CLSTN2: variants seen among roughly 807,000 people sequenced by gnomAD.
CLSTN2 encodes the protein calsyntenin 2.
CLSTN2 carries 48 observed loss-of-function variants against 101.2 expected under a neutral mutation model. The observed-to-expected ratio is 0.47, with a 90% CI of 0.38 to 0.60. The LOEUF (loss-of-function observed/expected upper bound fraction) is 0.60. Ranked by LOEUF, CLSTN2 falls within the 20% of genes least tolerant of loss-of-function variation. CLSTN2 has a pLI of 0.00. For missense variants in CLSTN2, 1,160 were observed against 1,238.2 expected, an observed-to-expected ratio of 0.94 and a Z score of 0.95; for synonymous variants, 481 against 463.6, an observed-to-expected ratio of 1.04 and a Z score of -0.48.
chr3:140,421,616 C>T (rs562087025), intron 5 of CLSTN2, among the ~76,000 whole-genome samples: 1 of 152,278 alleles, frequency 6.6e-6, no homozygotes, highest in East Asian at 1.9e-4. Flanking sequence ...GCTGGGTCTA[C>T]CTGATGCATT....
intron 1 of CLSTN2, among the ~76,000 whole-genome samples, chr3:140,107,695 A>G (rs1486513479): frequency 3.9e-5 from 6 of 152,152 alleles, no homozygotes; most frequent in Non-Finnish European, 8.8e-5. Flanking sequence ...GGCAAAGTAG[A>G]ATTTGGTTCC....
intron 2 of CLSTN2, among the ~76,000 whole-genome samples, chr3:140,281,136 G>A (rs1384882496): frequency 6.6e-6 from 1 of 152,136 alleles, no homozygotes; most frequent in Non-Finnish European, 1.5e-5. Flanking sequence ...TCCCAGCAGG[G>A]GAGATGGCAC....
intron 2 of CLSTN2, among the ~76,000 whole-genome samples, chr3:140,196,885 T>A (rs2010650193): frequency 1.3e-5 from 2 of 152,240 alleles, no homozygotes; most frequent in South Asian, 4.1e-4. Context: ...CTAGGCCTTT[T>A]CTGTCCCCAA....
chr3:140,551,765 G>A (rs1935708036), intron 10 of CLSTN2, among the ~76,000 whole-genome samples: 1 of 150,414 alleles, frequency 6.6e-6, no homozygotes, highest in Admixed American at 6.6e-5. Context: ...ACCTTGTAGT[G>A]ATGTTGTAAG....
intron 2 of CLSTN2, among the ~76,000 whole-genome samples, chr3:140,270,184 G>A (rs191059191): frequency 1.3e-5 from 2 of 152,218 alleles, no homozygotes; most frequent in East Asian, 1.9e-4. Context: ...GTCCACTAAC[G>A]GCTCCTCATT....
chr3:140,378,509 A>C (rs1250684296), intron 2 of CLSTN2, among the ~76,000 whole-genome samples: 2 of 152,244 alleles, frequency 1.3e-5, no homozygotes, highest in Non-Finnish European at 2.9e-5. Flanking sequence ...GGTGGAGCTC[A>C]AGACGCAGTT....
chr3:140,049,510 C>A (rs1322402251), intron 1 of CLSTN2, among the ~76,000 whole-genome samples: 1 of 152,182 alleles, frequency 6.6e-6, no homozygotes, highest in Non-Finnish European at 1.5e-5. Flanking sequence ...CTCTTCTCAG[C>A]CTCCCTGAGG....
intron 8 of CLSTN2, among the ~76,000 whole-genome samples, chr3:140,480,478 G>A (rs1934090911): frequency 1.3e-5 from 2 of 152,132 alleles, no homozygotes; most frequent in Admixed American, 6.5e-5. Flanking sequence ...GGATGGCTGG[G>A]TCAAATGGTA....
intron 2 of CLSTN2, among the ~76,000 whole-genome samples, chr3:140,279,455 G>A (rs1030461590): frequency 2.6e-5 from 4 of 152,218 alleles, no homozygotes; most frequent in South Asian, 2.1e-4. Context: ...GTTACATTGA[G>A]CTAGGAGATA....
intron 2 of CLSTN2, among the ~76,000 whole-genome samples, chr3:140,264,892 C>T (rs1447100529): frequency 6.6e-6 from 1 of 152,092 alleles, no homozygotes; most frequent in East Asian, 1.9e-4. Context: ...AGTGCTTTCT[C>T]TGTGCCAGAC....
At position 139,993,395 on chromosome 3, in the gene CLSTN2, A is replaced by G. The variant is rs530510552; in HGVS notation, c.109+57912A>G. Among the ~76,000 whole-genome samples the G allele has an allele frequency of 1.8e-4, 28 of 152,242 alleles. No homozygotes were observed. The East Asian group carries it at 4.8e-3, about 26-fold the overall frequency. On this transcript the variant is annotated intron_variant, in intron 1 of 16. Transcript: ENST00000458420. ...TACTGTCGACCCCTGTCCTGGGGAT[A>G]CTGGGTGGCCCTTCGTTTCCTAATA...
At chr3:140,013,130 G>A (rs954486850) in intron 1 of CLSTN2, among the ~76,000 whole-genome samples, 4 of 152,240 alleles carry the variant, frequency 2.6e-5, no homozygotes, top group Non-Finnish European at 4.4e-5. Context: ...ATCCACCAAG[G>A]AGGATGTGGT....
chr3:140,093,976 G>T (rs892406001), intron 1 of CLSTN2, among the ~76,000 whole-genome samples: 1 of 152,176 alleles, frequency 6.6e-6, no homozygotes, highest in Non-Finnish European at 1.5e-5. Context: ...AACACTGCCC[G>T]GGGGAATCTG....
intron 5 of CLSTN2, among the ~76,000 whole-genome samples, chr3:140,442,872 T>C (rs1263341548): frequency 2.0e-5 from 3 of 152,188 alleles, no homozygotes; most frequent in Admixed American, 6.5e-5. Flanking sequence ...TCACCCCCAA[T>C]TCAGATGCAC....
intron 2 of CLSTN2, among the ~76,000 whole-genome samples, chr3:140,185,529 C>G (rs1292842065): frequency 6.6e-6 from 1 of 152,052 alleles, no homozygotes. Flanking sequence ...ATTTCAAGCC[C>G]CATGACCCAG....
chr3:140,060,234 T>C (rs1363887070), intron 1 of CLSTN2, among the ~76,000 whole-genome samples: 2 of 152,198 alleles, frequency 1.3e-5, no homozygotes, highest in Non-Finnish European at 2.9e-5. Context: ...TTGTGAAAGC[T>C]GAAAGACTGG....
intron 2 of CLSTN2, among the ~76,000 whole-genome samples, chr3:140,360,543 G>A (rs2087719224): frequency 6.6e-6 from 1 of 152,162 alleles, no homozygotes; most frequent in Non-Finnish European, 1.5e-5. Flanking sequence ...TTGTCACTAA[G>A]TAATGAGAAC....
chr3:140,483,557 A>G (rs1178895919), intron 8 of CLSTN2, among the ~76,000 whole-genome samples: 1 of 152,092 alleles, frequency 6.6e-6, no homozygotes, highest in African/African-American at 2.4e-5. Flanking sequence ...AAACTCTCCC[A>G]TTATTATTGT....
At chr3:140,525,108 C>T (rs1432556424) in intron 8 of CLSTN2, among the ~76,000 whole-genome samples, 5 of 152,092 alleles carry the variant, frequency 3.3e-5, no homozygotes, top group African/African-American at 1.2e-4. Context: ...CAGAGGAGAA[C>T]TGAACAAAAT....
Sources: gnomAD v4.1 joint callset for allele counts (sites outside exome capture counted in the v4.1 genomes callset) on GRCh38, gnomAD v4.1.1 for gene constraint, MANE v1.5 for transcripts, NCBI Gene and HGNC (gene_info 2026-07-23, HGNC 2026-07-21) for gene names.